Variants in ANKFN1 observed in about 807,000 individuals in gnomAD.
ANKFN1 encodes ankyrin repeat and fibronectin type III domain containing 1, also known as ankyrin repeat and fibronectin type-III domain-containing protein 1.
In ANKFN1, 74 loss-of-function variants were observed where a neutral mutation model predicts 108.7. The observed-to-expected ratio is 0.68, with a 90% CI of 0.56 to 0.83. ANKFN1 has a LOEUF of 0.83. Among genes scored for constraint, ANKFN1 ranks in the 40% least tolerant of loss-of-function variants. The pLI is 0.00. For missense variants in ANKFN1, 1,505 were observed against 1,382.3 expected, an observed-to-expected ratio of 1.09 and a Z score of -1.41; for synonymous variants, 547 against 516.2, an observed-to-expected ratio of 1.06 and a Z score of -0.81.
rs190159713 is a variant in ANKFN1 at position 56,278,684 on chromosome 17, T to C, written c.54-47537T>C. Among the ~76,000 whole-genome samples, 7 of 152,360 alleles carry C rather than the reference T, an allele frequency of 4.6e-5. No homozygotes were observed. The East Asian group carries it at 1.2e-3, about 25-fold the overall frequency. ...TTTCAAAAACTAGAGAATGGATCTT[T>C]TATTGGTAACAATAATTCTGAGAGT... On this transcript the variant is annotated intron_variant, in intron 3 of 20. Coordinates refer to ENST00000682825, the MANE Select transcript of ANKFN1 (RefSeq NM_001370326.1).
At chr17:56,388,526 T>C (rs1024219094) in intron 8 of ANKFN1, among the ~76,000 whole-genome samples, 1 of 152,204 alleles carries the variant, frequency 6.6e-6, no homozygotes, top group African/African-American at 2.4e-5. Flanking sequence ...ACTCCCTTAT[T>C]CTCTCAACAT....
intron 1 of ANKFN1, among the ~76,000 whole-genome samples, chr17:56,187,686 T>C (rs886272269): frequency 6.6e-6 from 1 of 152,186 alleles, no homozygotes; most frequent in African/African-American, 2.4e-5. Flanking sequence ...CCAACCCAAA[T>C]GTCCATCAAT....
At chr17:56,491,084 T>C (rs1035576759) in intron 18 of ANKFN1, among the ~76,000 whole-genome samples, 3 of 152,174 alleles carry the variant, frequency 2.0e-5, no homozygotes, top group African/African-American at 7.2e-5. Flanking sequence ...TTAGCTTCCC[T>C]AAATGGCCAG....
In ANKFN1 at chr17:56,354,117, T is replaced by C. The variant is rs2046317062; in HGVS notation, c.601+71T>C. The C allele has an allele frequency of 8.2e-6, 12 of 1,459,618 alleles. No homozygotes were observed. In the East Asian group the frequency reaches 2.8e-4, roughly 34 times the overall value. 90.4% of individuals were successfully genotyped at this position (1,459,618 alleles called of 1,614,324 possible). A position where few individuals can be genotyped will look rare whatever the true frequency, so the allele number is the denominator to read the frequency against. On this transcript the variant is annotated intron_variant, in intron 6 of 20. Coordinates refer to ENST00000682825, the MANE Select transcript of ANKFN1 (RefSeq NM_001370326.1). ...CAGCCTTATGCCACCAAAATAGCCA[T>C]TGCTGACTTTCAGAGCAGGAATGGT...
intron 8 of ANKFN1, among the ~76,000 whole-genome samples, chr17:56,435,532 C>T (rs780895198): frequency 6.6e-6 from 1 of 152,078 alleles, no homozygotes; most frequent in Non-Finnish European, 1.5e-5. Flanking sequence ...GAAGAGGAGG[C>T]CATATCACAG....
At chr17:56,109,335 C>T (rs779698139) in intron 4 of ANKFN1, among the ~76,000 whole-genome samples, 43 of 152,128 alleles carry the variant, frequency 2.8e-4, no homozygotes, top group Admixed American at 1.9e-3. Flanking sequence ...ACAAATGGTT[C>T]TCCACCTCAG....
intron 4 of ANKFN1, among the ~76,000 whole-genome samples, chr17:56,112,550 A>G (rs905930129): frequency 6.6e-6 from 1 of 152,056 alleles, no homozygotes; most frequent in African/African-American, 2.4e-5. Context: ...TTCCCTCTCT[A>G]GATATAACCA....
intron 9 of ANKFN1, among the ~76,000 whole-genome samples, chr17:56,441,762 G>T (rs2145166512): frequency 6.6e-6 from 1 of 152,230 alleles, no homozygotes; most frequent in South Asian, 2.1e-4. Context: ...TCATATAAAA[G>T]CCTAGGAGTA....
At chr17:56,386,590 T>C (rs930124816) in intron 8 of ANKFN1, among the ~76,000 whole-genome samples, 5 of 150,780 alleles carry the variant, frequency 3.3e-5, no homozygotes, top group African/African-American at 1.2e-4. Flanking sequence ...GTTTTTTTTT[T>C]TTTTTTTTTG....
intron 4 of ANKFN1, among the ~76,000 whole-genome samples, chr17:56,332,197 C>T (rs1257859478): frequency 6.6e-6 from 1 of 152,108 alleles, no homozygotes; most frequent in African/African-American, 2.4e-5. Context: ...TCAAAACACG[C>T]CCTCTCCCTG....
At chr17:56,376,274 C>G (rs537922595) in intron 8 of ANKFN1, among the ~76,000 whole-genome samples, 1 of 152,142 alleles carries the variant, frequency 6.6e-6, no homozygotes, top group African/African-American at 2.4e-5. Flanking sequence ...TTCCAGATAA[C>G]GCCACTGTGT....
chr17:56,515,017 T>G lies in ANKFN1; in HGVS notation c.*3748T>G, dbSNP rs559064062. 5.1e-4 allele frequency among the ~76,000 whole-genome samples: 78 copies of G among 152,180 alleles called. No homozygotes were observed. Among genetic ancestry groups the G allele is most frequent in the Non-Finnish European group, 9.7e-4 (66 of 67,998 alleles). ...AAATACCTGCTTGGCCTCCTCTGGTTCTTCATCCTGCAACCAAGATGTACT... is the reference window on the plus strand; with the variant it reads ...AAATACCTGCTTGGCCTCCTCTGGTGCTTCATCCTGCAACCAAGATGTACT... On this transcript the variant is annotated 3_prime_UTR_variant, in exon 21 of 21. Coordinates refer to ENST00000682825, the MANE Select transcript of ANKFN1 (RefSeq NM_001370326.1).
At chr17:56,325,453 A>G (rs1011914978) in intron 3 of ANKFN1, among the ~76,000 whole-genome samples, 3 of 152,176 alleles carry the variant, frequency 2.0e-5, no homozygotes, top group Non-Finnish European at 4.4e-5. Context: ...TTCATTAGTC[A>G]TGTAAAGCAC....
chr17:56,132,096 T>G (rs1474528330), intron 4 of ANKFN1, among the ~76,000 whole-genome samples: 1 of 152,202 alleles, frequency 6.6e-6, no homozygotes, highest in Non-Finnish European at 1.5e-5. Flanking sequence ...AGGTAGTTCG[T>G]GATTTCTTTT....
At chr17:56,222,888 G>A (rs373164864) in intron 2 of ANKFN1, among the ~76,000 whole-genome samples, 4 of 152,100 alleles carry the variant, frequency 2.6e-5, no homozygotes, top group South Asian at 2.1e-4. Context: ...AAGACCACAC[G>A]TCTAAAAGTA....
intron 1 of ANKFN1, among the ~76,000 whole-genome samples, chr17:56,204,871 C>T (rs1303855910): frequency 3.9e-5 from 6 of 151,960 alleles, no homozygotes; most frequent in African/African-American, 9.7e-5. Context: ...GTCAGGAGAT[C>T]GAGACCATCC....
At chr17:56,420,307 C>A (rs542872049) in intron 8 of ANKFN1, among the ~76,000 whole-genome samples, 31 of 152,306 alleles carry the variant, frequency 2.0e-4, no homozygotes, top group South Asian at 2.1e-4. Context: ...AATAAATAGT[C>A]TCAGCATCCT....
chr17:56,055,596 T>TATATATATATATATATATATATAC (rs768200056), intron 4 of ANKFN1, among the ~76,000 whole-genome samples: 4 of 130,640 alleles, frequency 3.1e-5, no homozygotes, highest in African/African-American at 9.3e-5. Context: ...TATGTATATA[T>TATATATATATATATATATATATAC]ACACATTTTT....
intron 3 of ANKFN1, among the ~76,000 whole-genome samples, chr17:56,280,670 G>T (rs1431689396): frequency 2.6e-5 from 4 of 152,098 alleles, no homozygotes; most frequent in Admixed American, 6.5e-5. Flanking sequence ...TTCTGTTTCT[G>T]TGGAGAACCC....
Sources: allele counts gnomAD v4.1 joint callset (sites outside exome capture counted in the v4.1 genomes callset), GRCh38; gene constraint gnomAD v4.1.1; transcripts MANE v1.5; gene names NCBI Gene and HGNC (gene_info 2026-07-23, HGNC 2026-07-21).